The following DLG2 variants were observed in gnomAD, a reference collection of about 807,000 sequenced individuals.
DLG2 encodes the protein discs large MAGUK scaffold protein 2.
Under a neutral mutation model 132.5 loss-of-function variants are expected in DLG2, and 45 were observed. The ratio of observed to expected loss-of-function variants is 0.34; its 90% confidence interval spans 0.27 to 0.44. The LOEUF is 0.44. DLG2 is among the 20% of genes least tolerant of loss of function. The pLI, the probability that DLG2 is intolerant of heterozygous loss-of-function variation, is 1.00. For missense variants in DLG2, 1,045 were observed against 1,196.9 expected (o/e 0.87, Z 1.87); for synonymous variants, 424 against 419.6 (o/e 1.01, Z -0.13).
At chr11:84,533,905 C>CAAAAAAAAAAAAAAAAAAAAA (rs558597260) in intron 7 of DLG2, among the ~76,000 whole-genome samples, 11 of 70,280 alleles carry the variant, frequency 1.6e-4, no homozygotes, top group Admixed American at 4.1e-4. Context: ...CCAGTTCAGC[C>CAAAAAAAAAAAAAAAAAAAAA]AAAAAAAAAA....
intron 8 of DLG2, among the ~76,000 whole-genome samples, chr11:84,209,480 A>C (rs4547117): frequency 1.9e-4 from 29 of 152,314 alleles, no homozygotes; most frequent in African/African-American, 6.5e-4. Flanking sequence ...GTAATATATC[A>C]AAGTTGGTTT....
rs537986291 is a variant in DLG2, at chr11:84,077,360, G to A, written c.750-17876C>T. ...ATTTTGCCAAATCTAATGAGATCTC[G>A]TTAGTTCTCATTTTGGTCCATCTCA... On this transcript the variant is annotated intron_variant, in intron 10 of 27. Coordinates refer to ENST00000376104, the MANE Select transcript of DLG2 (RefSeq NM_001142699.3). Among the ~76,000 whole-genome samples the A allele has an allele frequency of 1.4e-4, 21 of 152,218 alleles. No homozygotes were observed. In the East Asian group the frequency reaches 2.1e-3, roughly 15 times the overall value.
intron 2 of DLG2, among the ~76,000 whole-genome samples, chr11:85,607,805 T>G (rs2080689446): frequency 6.6e-6 from 1 of 152,226 alleles, no homozygotes; most frequent in African/African-American, 2.4e-5. Context: ...ATAAAAGGCA[T>G]CAGTCTTCCA....
In DLG2 at chr11:84,039,488, C is replaced by A. The variant is rs866478606; in HGVS notation, c.919+19827G>T. On this transcript the variant is annotated intron_variant, in intron 11 of 27. Transcript: ENST00000376104. Reference sequence around the variant, plus strand: ...TGTGGTGTTTGGTTTTTTGTTCTTGCGATAGTTTACTGAGAATGATGATTT... The same window carrying A: ...TGTGGTGTTTGGTTTTTTGTTCTTGAGATAGTTTACTGAGAATGATGATTT... Among the ~76,000 whole-genome samples, 165 of 106,086 alleles carry A rather than the reference C, an allele frequency of 1.6e-3. 1 individual carries two copies. The highest frequency in any genetic ancestry group is 5.0e-3 in the African/African-American group (153 of 30,626). The allele number at this position is 106,086 out of a possible 152,430, so 69.6% of individuals were successfully genotyped here.
At chr11:83,735,272 A>G (rs533281351) in intron 18 of DLG2, among the ~76,000 whole-genome samples, 1 of 152,258 alleles carries the variant, frequency 6.6e-6, no homozygotes, top group African/African-American at 2.4e-5. Flanking sequence ...GTTAAGGATT[A>G]TTGATTTGAT....
chr11:85,106,039 C>T (rs1317148588), intron 6 of DLG2, among the ~76,000 whole-genome samples: 1 of 150,934 alleles, frequency 6.6e-6, no homozygotes, highest in South Asian at 2.1e-4. Context: ...AGCTTATGCA[C>T]ACTGTATTAA....
At chr11:85,505,417 G>A (rs967321527) in intron 3 of DLG2, among the ~76,000 whole-genome samples, 2 of 152,142 alleles carry the variant, frequency 1.3e-5, no homozygotes, top group African/African-American at 4.8e-5. Flanking sequence ...TTTATTGAGA[G>A]TTCTTAGCAT....
intron 6 of DLG2, among the ~76,000 whole-genome samples, chr11:84,726,626 C>T (rs1490340309): frequency 1.3e-5 from 2 of 152,094 alleles, no homozygotes; most frequent in Non-Finnish European, 2.9e-5. Flanking sequence ...TGGGTATACA[C>T]CCAGTAATGA....
At chr11:84,530,512 G>A (rs983623945) in intron 7 of DLG2, among the ~76,000 whole-genome samples, 1 of 152,100 alleles carries the variant, frequency 6.6e-6, no homozygotes, top group Non-Finnish European at 1.5e-5. Flanking sequence ...CAGCCAAGAA[G>A]CATATGAAAA....
chr11:84,802,892 C>T (rs551788363), intron 6 of DLG2, among the ~76,000 whole-genome samples: 2 of 152,082 alleles, frequency 1.3e-5, no homozygotes, highest in African/African-American at 4.8e-5. Context: ...CTCCACCTCC[C>T]GGGTTCAAGC....
chr11:83,742,873 T>C (rs1049603687), intron 18 of DLG2, among the ~76,000 whole-genome samples: 3 of 152,176 alleles, frequency 2.0e-5, no homozygotes, highest in African/African-American at 7.2e-5. Context: ...TAACATATAG[T>C]TATGGCATTA....
At chr11:84,306,529 C>T (rs2098220896) in intron 7 of DLG2, among the ~76,000 whole-genome samples, 1 of 152,106 alleles carries the variant, frequency 6.6e-6, no homozygotes, top group Non-Finnish European at 1.5e-5. Context: ...GAGTTATAGT[C>T]CCAGAAAATG....
At chr11:85,480,048 G>A (rs1178069125) in intron 3 of DLG2, among the ~76,000 whole-genome samples, 2 of 152,102 alleles carry the variant, frequency 1.3e-5, no homozygotes, top group African/African-American at 2.4e-5. Flanking sequence ...ATTTTGTGGG[G>A]GAGGGGACAC....
chr11:83,609,363 C>T (rs1277629945), intron 19 of DLG2, among the ~76,000 whole-genome samples: 2 of 152,174 alleles, frequency 1.3e-5, no homozygotes, highest in Admixed American at 6.5e-5. Flanking sequence ...CTTGGTCCAA[C>T]AGGTTTAGTG....
At chr11:85,037,282 G>A (rs766041592) in intron 6 of DLG2, among the ~76,000 whole-genome samples, 2 of 152,154 alleles carry the variant, frequency 1.3e-5, no homozygotes, top group Non-Finnish European at 2.9e-5. Flanking sequence ...AGGCTTTGTA[G>A]TTAGGCAGAC....
At chr11:84,726,667 T>G (rs2153806113) in intron 6 of DLG2, among the ~76,000 whole-genome samples, 1 of 152,298 alleles carries the variant, frequency 6.6e-6, no homozygotes, top group Middle Eastern at 3.4e-3. Flanking sequence ...TTTCTGGTTC[T>G]AGATCCTTGA....
chr11:85,491,447 A>G (rs1355444480), intron 3 of DLG2, among the ~76,000 whole-genome samples: 3 of 152,096 alleles, frequency 2.0e-5, no homozygotes, highest in Non-Finnish European at 2.9e-5. Context: ...AGAAATAGTC[A>G]CCCAAATTGT....
chr11:83,920,232 A>G (rs4300411), intron 15 of DLG2, among the ~76,000 whole-genome samples: 27,691 of 152,096 alleles, frequency 0.18, 2,760 homozygotes, highest in Middle Eastern at 0.23. Context: ...TTAGTATTCA[A>G]TTTGGAACAC....
intron 16 of DLG2, among the ~76,000 whole-genome samples, chr11:83,860,207 A>T (rs1481079809): frequency 6.6e-6 from 1 of 152,082 alleles, no homozygotes; most frequent in Non-Finnish European, 1.5e-5. Context: ...GTGAGAAGAG[A>T]TTGCTATCCT....
Sources: allele counts gnomAD v4.1 joint callset (sites outside exome capture counted in the v4.1 genomes callset), GRCh38; gene constraint gnomAD v4.1.1; transcripts MANE v1.5; gene names NCBI Gene and HGNC (gene_info 2026-07-23, HGNC 2026-07-21).